The following GUCY1A2 variants were observed in gnomAD, a reference collection of about 807,000 sequenced individuals.
GUCY1A2 encodes guanylate cyclase soluble subunit alpha-2.
In GUCY1A2, 27 loss-of-function variants were observed where a neutral mutation model predicts 63.5. The observed-to-expected ratio is 0.43, with a 90% CI of 0.31 to 0.59. The LOEUF is 0.59. Ranked by LOEUF, GUCY1A2 falls within the 20% of genes least tolerant of loss-of-function variation. GUCY1A2 has a pLI of 0.11. For missense variants in GUCY1A2, 768 were observed against 913.3 expected, an observed-to-expected ratio of 0.84 and a Z score of 2.05; for synonymous variants, 364 against 343.5, an observed-to-expected ratio of 1.06 and a Z score of -0.66.
intron 7 of GUCY1A2, among the ~76,000 whole-genome samples, chr11:106,700,339 C>G (rs1160583172): frequency 6.6e-6 from 1 of 152,052 alleles, no homozygotes; most frequent in Non-Finnish European, 1.5e-5. Flanking sequence ...CCAAAAAAGA[C>G]AGACTTATTT....
rs71041701 is a variant in GUCY1A2 at position 106,944,215 on chromosome 11, C to CAAAAAAAAAAAA, written c.488-4049_488-4038dup. 8.1e-3 allele frequency among the ~76,000 whole-genome samples: 174 copies of CAAAAAAAAAAAA among 21,552 alleles called. 25 individuals are homozygous for CAAAAAAAAAAAA. The highest frequency in any genetic ancestry group is 0.041 in the East Asian group (23 of 566). 14.1% of individuals were successfully genotyped at this position (21,552 alleles called of 152,430 possible). ...GGGCAACAGAGTGAGACCCTGTCTC[C>CAAAAAAAAAAAA]AAAAAAAAAAAAAAAAAAAAAGCAG... On this transcript the variant is annotated intron_variant, in intron 3 of 7. Coordinates refer to ENST00000526355, the MANE Select transcript of GUCY1A2 (RefSeq NM_000855.3).
At chr11:106,865,435 T>C (rs1009490878) in intron 4 of GUCY1A2, among the ~76,000 whole-genome samples, 30 of 152,024 alleles carry the variant, frequency 2.0e-4, no homozygotes, top group African/African-American at 6.5e-4. Context: ...GCTTTTGAAA[T>C]GTGGCACATA....
chr11:106,753,084 T>C (rs143516358), intron 6 of GUCY1A2, among the ~76,000 whole-genome samples: 82 of 152,296 alleles, frequency 5.4e-4, no homozygotes, highest in African/African-American at 1.8e-3. Flanking sequence ...TAGTATCTCA[T>C]TGTGGTTTTG....
At chr11:106,735,008 A>T (rs565819937) in intron 6 of GUCY1A2, among the ~76,000 whole-genome samples, 51 of 152,080 alleles carry the variant, frequency 3.4e-4, no homozygotes, top group Middle Eastern at 6.8e-3. Context: ...TTTTATTTTT[A>T]TGGCTATATA....
chr11:106,786,800 G>GT lies in GUCY1A2; in HGVS notation c.1693-10219dup, dbSNP rs1315173322. ...TTCCAATCAAAATGGGTAACTCAAT[G>GT]TTTTTTGCAAACTTTCTGTACCTCC... On this transcript the variant is annotated intron_variant, in intron 5 of 7. Coordinates refer to ENST00000526355, the MANE Select transcript of GUCY1A2 (RefSeq NM_000855.3). Among the ~76,000 whole-genome samples the GT allele has an allele frequency of 2.6e-5, 4 of 152,154 alleles. No individual in the cohort carries two copies. In the South Asian group the frequency reaches 8.3e-4, roughly 32 times the overall value.
intron 6 of GUCY1A2, among the ~76,000 whole-genome samples, chr11:106,764,253 T>C (rs971318573): frequency 6.6e-6 from 1 of 152,098 alleles, no homozygotes; most frequent in Non-Finnish European, 1.5e-5. Flanking sequence ...ACTTCTTTCT[T>C]AAGGAACAGG....
chr11:106,924,876 G>A (rs768895557), intron 4 of GUCY1A2, among the ~76,000 whole-genome samples: 8 of 151,898 alleles, frequency 5.3e-5, no homozygotes, highest in African/African-American at 9.7e-5. Flanking sequence ...ATGGTGGTGC[G>A]TACCTGTAGT....
At chr11:106,837,834 T>A (rs1353006245) in intron 4 of GUCY1A2, among the ~76,000 whole-genome samples, 1 of 151,942 alleles carries the variant, frequency 6.6e-6, no homozygotes, top group African/African-American at 2.4e-5. Context: ...ATCCCCACCA[T>A]ACTATTAGTT....
chr11:106,996,073 C>T (rs1332011251), intron 1 of GUCY1A2, among the ~76,000 whole-genome samples: 3 of 152,176 alleles, frequency 2.0e-5, no homozygotes, highest in Admixed American at 2.0e-4. Flanking sequence ...ACCCTAAATG[C>T]ACTAACTCGA....
At chr11:106,729,186 T>C (rs1314233399) in intron 6 of GUCY1A2, among the ~76,000 whole-genome samples, 1 of 152,172 alleles carries the variant, frequency 6.6e-6, no homozygotes, top group African/African-American at 2.4e-5. Flanking sequence ...TCTTTTATTC[T>C]TTTTAAAACC....
chr11:106,873,642 T>A (rs1426619973), intron 4 of GUCY1A2, among the ~76,000 whole-genome samples: 1 of 152,154 alleles, frequency 6.6e-6, no homozygotes, highest in African/African-American at 2.4e-5. Flanking sequence ...TAAATTTGTT[T>A]AATTCCTTGT....
At chr11:106,957,369 A>G (rs1481710993) in intron 3 of GUCY1A2, among the ~76,000 whole-genome samples, 1 of 151,874 alleles carries the variant, frequency 6.6e-6, no homozygotes, top group East Asian at 2.0e-4. Context: ...AGCAGACTCC[A>G]GCTGAGAGGC....
chr11:106,775,647 C>G (rs1864343800), intron 6 of GUCY1A2, among the ~76,000 whole-genome samples: 1 of 151,976 alleles, frequency 6.6e-6, no homozygotes, highest in African/African-American at 2.4e-5. Context: ...TGCTATAATG[C>G]CAGAACTAGA....
intron 4 of GUCY1A2, among the ~76,000 whole-genome samples, chr11:106,914,472 G>A (rs1040498745): frequency 6.6e-6 from 1 of 152,034 alleles, no homozygotes; most frequent in African/African-American, 2.4e-5. Flanking sequence ...GGCTTCACTT[G>A]GCTTGGTGTT....
chr11:106,990,932 A>C (rs1861462724), intron 1 of GUCY1A2, among the ~76,000 whole-genome samples: 2 of 152,242 alleles, frequency 1.3e-5, no homozygotes, highest in South Asian at 4.1e-4. Flanking sequence ...TATACTCACA[A>C]GACACAAACT....
intron 1 of GUCY1A2, among the ~76,000 whole-genome samples, chr11:106,997,636 G>C (rs3100765): frequency 2.2e-3 from 276 of 126,592 alleles, no homozygotes; most frequent in South Asian, 3.7e-3. Flanking sequence ...CCCCACCCGA[G>C]CAAGACTATA....
At chr11:106,753,334 G>C (rs189378529) in intron 6 of GUCY1A2, among the ~76,000 whole-genome samples, 1 of 152,310 alleles carries the variant, frequency 6.6e-6, no homozygotes, top group African/African-American at 2.4e-5. Context: ...TCACTCTGCT[G>C]ATAGTTTCTT....
At chr11:106,756,752 C>T (rs1182633735) in intron 6 of GUCY1A2, among the ~76,000 whole-genome samples, 1 of 152,108 alleles carries the variant, frequency 6.6e-6, no homozygotes, top group African/African-American at 2.4e-5. Context: ...GTGGGTAACC[C>T]GACCTTTCTC....
chr11:106,914,013 A>G (rs1403423360), intron 4 of GUCY1A2, among the ~76,000 whole-genome samples: 2 of 150,960 alleles, frequency 1.3e-5, no homozygotes, highest in African/African-American at 4.9e-5. Flanking sequence ...AGAAAGAAAG[A>G]AAGAAAAAGA....
Sources: gnomAD v4.1 joint callset for allele counts (sites outside exome capture counted in the v4.1 genomes callset) on GRCh38, gnomAD v4.1.1 for gene constraint, MANE v1.5 for transcripts, NCBI Gene and HGNC (gene_info 2026-07-23, HGNC 2026-07-21) for gene names.